The following KCTD1 variants were observed in gnomAD, a reference collection of about 807,000 sequenced individuals.
The protein encoded by KCTD1 is potassium channel tetramerization domain containing 1, also known as BTB/POZ domain-containing protein KCTD1.
A neutral mutation model predicts 66.0 loss-of-function variants in KCTD1; 24 were observed. The ratio of observed to expected loss-of-function variants is 0.36; its 90% confidence interval spans 0.26 to 0.51. KCTD1 has a LOEUF of 0.51. Ranked by LOEUF, KCTD1 falls within the 20% of genes least tolerant of loss-of-function variation. The pLI is 0.95. For synonymous variants in KCTD1, 511 were observed against 517.2 expected (o/e 0.99, Z 0.16); for missense variants, 943 against 1,205.2 (o/e 0.78, Z 3.22).
In KCTD1 at chr18:26,528,499, CTCT is replaced by C; in HGVS notation, c.1809+18226_1809+18228del. Reference sequence around the variant, plus strand: ...CTTTCTAAACAGGTTCAGGTCCTCTCTCTTTTTAAAAACGTACGGGATCCACCT... The same window carrying C: ...CTTTCTAAACAGGTTCAGGTCCTCTCTTTTAAAAACGTACGGGATCCACCT... On this transcript the variant is annotated intron_variant, in intron 1 of 4. Transcript: ENST00000580059. 2.0e-5 allele frequency among the ~76,000 whole-genome samples: 3 copies of C among 152,366 alleles called. No individual in the cohort carries two copies. In the South Asian group the frequency reaches 6.2e-4, roughly 32 times the overall value.
At chr18:26,472,136 G>C (rs994614371) in intron 3 of KCTD1, among the ~76,000 whole-genome samples, 2 of 152,106 alleles carry the variant, frequency 1.3e-5, no homozygotes, top group African/African-American at 4.8e-5. Flanking sequence ...TGGTGGCAGA[G>C]GGGGAGGCAG....
intron 1 of KCTD1, among the ~76,000 whole-genome samples, chr18:26,504,116 G>C (rs912638894): frequency 2.6e-5 from 4 of 152,140 alleles, no homozygotes; most frequent in African/African-American, 9.7e-5. Context: ...GCCCAGGCTG[G>C]AGTGCAGTGG....
At position 26,476,447 on chromosome 18, in the gene KCTD1, A is replaced by G. The variant is rs1981350346; in HGVS notation, c.2133+68T>C. ...GTATGTTAATAATGTAGAACTAGAA[A>G]TATTTTTTTGGAGCACATAAAAAAA... On this transcript the variant is annotated intron_variant, in intron 3 of 4. Transcript: ENST00000580059. The surrounding 1 kb of genome is among the most constrained non-coding windows in gnomAD (Gnocchi z 4.9). 4 of 1,453,910 alleles carry G rather than the reference A, an allele frequency of 2.8e-6. No individual in the cohort carries two copies. The highest frequency in any genetic ancestry group is 3.7e-6 in the Non-Finnish European group (4 of 1,070,746). The allele number at this position is 1,453,910 out of a possible 1,614,324, so 90.1% of individuals were successfully genotyped here.
At chr18:26,634,321 A>G (rs1338641691) in intron 1 of KCTD1, among the ~76,000 whole-genome samples, 1 of 152,184 alleles carries the variant, frequency 6.6e-6, no homozygotes, top group African/African-American at 2.4e-5. Flanking sequence ...ATATGGTATG[A>G]CTTATAAGTG....
intron 1 of KCTD1, among the ~76,000 whole-genome samples, chr18:26,616,154 T>TTC (rs1987246854): frequency 1.8e-5 from 2 of 108,506 alleles, no homozygotes; most frequent in South Asian, 5.7e-4. Flanking sequence ...TTTTTTTTTT[T>TTC]TTCTTCTCTT....
chr18:26,461,944 C>T (rs1163587727), intron 3 of KCTD1, among the ~76,000 whole-genome samples: 1 of 152,114 alleles, frequency 6.6e-6, no homozygotes, highest in African/African-American at 2.4e-5. Context: ...TGACGAAACC[C>T]CGTCTCTACT....
chr18:26,618,231 G>A (rs760334266), intron 1 of KCTD1, among the ~76,000 whole-genome samples: 3 of 152,196 alleles, frequency 2.0e-5, no homozygotes, highest in Non-Finnish European at 4.4e-5. Context: ...TGCAGACTCA[G>A]TGGGAATGCC....
chr18:26,479,501 A>C (rs1598885332), intron 2 of KCTD1, among the ~76,000 whole-genome samples: 1 of 152,204 alleles, frequency 6.6e-6, no homozygotes, highest in African/African-American at 2.4e-5. Context: ...CCAGGGCAGA[A>C]AAGGCTGCGT....
chr18:26,492,638 A>C (rs1461735541), intron 2 of KCTD1, among the ~76,000 whole-genome samples: 4 of 141,798 alleles, frequency 2.8e-5, no homozygotes, highest in Non-Finnish European at 5.9e-5. Flanking sequence ...TAAATAAATA[A>C]ATAAATAAAT....
intron 2 of KCTD1, among the ~76,000 whole-genome samples, chr18:26,480,446 G>C (rs1177512902): frequency 6.6e-6 from 1 of 152,158 alleles, no homozygotes; most frequent in Non-Finnish European, 1.5e-5. Flanking sequence ...GACAGATACT[G>C]AATTCCACTC....
chr18:26,544,889 G>A (rs1985138985), intron 1 of KCTD1: 1 of 152,168 alleles, frequency 6.6e-6, no homozygotes, highest in Non-Finnish European at 1.5e-5. Flanking sequence ...AATCATATAA[G>A]CCATATATGG....
At position 26,501,095 on chromosome 18, in the gene KCTD1, G is replaced by C. The variant is rs1982736899; in HGVS notation, c.1965C>G (p.Thr655=). 6.2e-7 allele frequency: 1 copy of C among 1,613,742 alleles called. No individual in the cohort carries two copies. Among genetic ancestry groups the C allele is most frequent in the Admixed American group, 1.7e-5 (1 of 59,994 alleles). Residue 655 remains threonine (T), a synonymous_variant, in exon 2 of 5, where the codon ACC becomes ACG. Transcript: ENST00000580059. ...ACCTGGATTCAGGGTATTTGGTGAG[G>C]GTGGCCAGGCTGCTGGTGTACATGT... ...GGHMYTSSLA[T]LTKYPESRIG...
intron 1 of KCTD1, chr18:26,600,318 C>A (rs1320457306): frequency 4.5e-6 from 7 of 1,559,660 alleles, no homozygotes; most frequent in Non-Finnish European, 5.3e-6. Context: ...CACTTCTGAG[C>A]AATAGCAATC....
intron 1 of KCTD1, among the ~76,000 whole-genome samples, chr18:26,652,279 C>T (rs1267405289): frequency 1.3e-5 from 2 of 151,992 alleles, no homozygotes; most frequent in African/African-American, 2.4e-5. Context: ...AGGAATAGGC[C>T]AAAATGATGG....
chr18:26,574,101 C>T (rs1294427252), intron 1 of KCTD1, among the ~76,000 whole-genome samples: 1 of 152,196 alleles, frequency 6.6e-6, no homozygotes, highest in African/African-American at 2.4e-5. Flanking sequence ...CCTCTTTCCA[C>T]TATGATTTTC....
At chr18:26,618,862 T>C (rs951632951) in intron 1 of KCTD1, among the ~76,000 whole-genome samples, 2 of 152,256 alleles carry the variant, frequency 1.3e-5, no homozygotes, top group Admixed American at 1.3e-4. Context: ...GCATTTATGG[T>C]TGGATGTTTC....
intron 1 of KCTD1, among the ~76,000 whole-genome samples, chr18:26,649,956 C>T (rs371924253): frequency 3.0e-4 from 45 of 152,266 alleles, no homozygotes; most frequent in African/African-American, 9.4e-4. Flanking sequence ...AGTGTTAATA[C>T]GCAAATTCAG....
At chr18:26,590,918 G>A (rs1986586431) in intron 1 of KCTD1, among the ~76,000 whole-genome samples, 2 of 152,066 alleles carry the variant, frequency 1.3e-5, no homozygotes, top group South Asian at 4.1e-4. Context: ...TAGTCCTGAT[G>A]GTGAACCCCA....
chr18:26,583,781 T>C (rs1451607603), intron 1 of KCTD1, among the ~76,000 whole-genome samples: 1 of 152,250 alleles, frequency 6.6e-6, no homozygotes, highest in African/African-American at 2.4e-5. Flanking sequence ...AAATATCCTT[T>C]CTGTTTAAGA....
Sources: gnomAD v4.1 joint callset for allele counts (sites outside exome capture counted in the v4.1 genomes callset) on GRCh38, gnomAD v4.1.1 for gene constraint, Gnocchi (gnomAD v3.1) non-coding constraint, MANE v1.5 for transcripts, NCBI Gene and HGNC (gene_info 2026-07-23, HGNC 2026-07-21) for gene names.